The following PYGO1 variants were observed in gnomAD, a reference collection of about 807,000 sequenced individuals.
PYGO1 encodes pygopus homolog 1.
PYGO1 carries 6 observed loss-of-function variants against 29.5 expected under a neutral mutation model. The observed-to-expected ratio is 0.20, with a 90% CI of 0.11 to 0.40. The LOEUF is 0.40. Among genes scored for constraint, PYGO1 ranks in the 10% least tolerant of loss-of-function variants. The pLI, the probability that PYGO1 is intolerant of heterozygous loss-of-function variation, is 1.00. For synonymous variants in PYGO1, 186 were observed against 180.5 expected (o/e 1.03, Z -0.24); for missense variants, 515 against 514.9 (o/e 1.00, Z 0.00).
chr15:55,562,535 T>C (rs1036509309), intron 1 of PYGO1, among the ~76,000 whole-genome samples: 3 of 151,726 alleles, frequency 2.0e-5, no homozygotes, highest in Non-Finnish European at 1.5e-5. Flanking sequence ...ACTGGGCATT[T>C]TGGCGGGTGC....
At chr15:55,555,189 G>C (rs1227174426) in intron 1 of PYGO1, among the ~76,000 whole-genome samples, 4 of 152,114 alleles carry the variant, frequency 2.6e-5, no homozygotes, top group African/African-American at 7.2e-5. Flanking sequence ...TGCCACAAGG[G>C]ATTGAGGACC....
chr15:55,554,264 A>C (rs1271349697), intron 1 of PYGO1, among the ~76,000 whole-genome samples: 1 of 152,002 alleles, frequency 6.6e-6, no homozygotes, highest in Non-Finnish European at 1.5e-5. Context: ...GGAGATCGAG[A>C]CCATCCTGGC....
intron 1 of PYGO1, among the ~76,000 whole-genome samples, chr15:55,563,897 CAAAT>C (rs2058943948): frequency 6.6e-6 from 1 of 152,084 alleles, no homozygotes; most frequent in Non-Finnish European, 1.5e-5. Flanking sequence ...ATCAAAAAGA[CAAAT>C]AATAACAAGC....
chr15:55,583,857 C>T (rs1242975662), intron 1 of PYGO1, among the ~76,000 whole-genome samples: 1 of 152,116 alleles, frequency 6.6e-6, no homozygotes, highest in Non-Finnish European at 1.5e-5. Context: ...TAAAAACTGC[C>T]TTCTCAAAAT....
At position 55,571,276 on chromosome 15, in the gene PYGO1, G is replaced by A. The variant is rs184339137; in HGVS notation, c.49+16559C>T. ...CCATTTATCTGTAGATGCATACCTC[G>A]GTTGTTTCTACCTTTTAGCTACTGT... On this transcript the variant is annotated intron_variant, in intron 1 of 2. Coordinates refer to ENST00000563719, the MANE Select transcript of PYGO1 (RefSeq NM_001367806.1). Among the ~76,000 whole-genome samples, 21 of 152,170 alleles carry A rather than the reference G, an allele frequency of 1.4e-4. No homozygotes were observed. In the East Asian group the frequency reaches 3.3e-3, roughly 24 times the overall value.
At chr15:55,588,873 A>G (rs1459383642), upstream of PYGO1, 1 of 1,612,500 alleles carries the variant, frequency 6.2e-7, no homozygotes, top group Non-Finnish European at 8.5e-7. Context: ...AGATTCCCCG[A>G]CTCCGTGTCC....
chr15:55,565,629 CGCTTGAACCCGGGAGGCGGT>C (rs1342165823), intron 1 of PYGO1, among the ~76,000 whole-genome samples: 1 of 151,926 alleles, frequency 6.6e-6, no homozygotes, highest in East Asian at 1.9e-4. Flanking sequence ...GCATGAGAAT[CGCTTGAACCCGGGAGGCGGT>C]GCTTGCAGTG....
chr15:55,560,512 G>A (rs1421647063), intron 1 of PYGO1, among the ~76,000 whole-genome samples: 2 of 152,150 alleles, frequency 1.3e-5, no homozygotes, highest in Non-Finnish European at 2.9e-5. Flanking sequence ...ACAAACTACT[G>A]CTCAAGGAAA....
intron 1 of PYGO1, among the ~76,000 whole-genome samples, chr15:55,579,588 T>C (rs1406131493): frequency 1.3e-5 from 2 of 152,160 alleles, no homozygotes; most frequent in Non-Finnish European, 2.9e-5. Context: ...CCATCACAAC[T>C]CACTGCAACC....
chr15:55,587,809 C>T, intron 1 of PYGO1, 26 bp downstream of exon 1: 2 of 1,481,714 alleles, frequency 1.3e-6, no homozygotes, highest in African/African-American at 1.4e-5. Context: ...CCCCGGTTCC[C>T]CCAATCCGGC....
At chr15:55,558,003 T>C (rs1169155485) in intron 1 of PYGO1, among the ~76,000 whole-genome samples, 2 of 152,246 alleles carry the variant, frequency 1.3e-5, no homozygotes, top group Non-Finnish European at 1.5e-5. Context: ...GCCAGGGCAA[T>C]CAGGCAGTAG....
At chr15:55,551,086 G>T (rs2058876907) in intron 1 of PYGO1, among the ~76,000 whole-genome samples, 1 of 152,186 alleles carries the variant, frequency 6.6e-6, no homozygotes, top group Non-Finnish European at 1.5e-5. Context: ...CGGAGCTCAG[G>T]CAGTAATGCT....
Position 55,543,064 on chromosome 15 carries a change from G to C in PYGO1, c.*2959C>G, listed in dbSNP as rs895095981. The C allele has an allele frequency of 7.0e-6, 1 of 143,554 alleles. No individual in the cohort carries two copies. The highest frequency in any genetic ancestry group is 2.6e-5 in the African/African-American group (1 of 37,786). The allele number at this position is 143,554 out of a possible 1,614,324, so 8.9% of individuals were successfully genotyped here. On this transcript the variant is annotated 3_prime_UTR_variant, in exon 3 of 3. Transcript: ENST00000563719. ...TTAAGCAAAACTCAAGGATGTTGGA[G>C]AAACTGTGGGGGGTGTGTGTGTGTG...
Position 55,539,179 on chromosome 15 carries a change from T to C in PYGO1, c.*6844A>G, listed in dbSNP as rs1041472694. On this transcript the variant is annotated 3_prime_UTR_variant, in exon 3 of 3. Coordinates refer to ENST00000563719, the MANE Select transcript of PYGO1 (RefSeq NM_001367806.1). ...AAATGTAGATGACAAATTAAACTCT[T>C]CCAATTTTAAATTCTAGCATGGTTT... The C allele has an allele frequency of 6.6e-6, 1 of 152,180 alleles. No homozygotes were observed. Among genetic ancestry groups the C allele is most frequent in the Non-Finnish European group, 1.5e-5 (1 of 68,018 alleles). 9.4% of individuals were successfully genotyped at this position (152,180 alleles called of 1,614,324 possible).
chr15:55,555,465 A>G (rs527559991), intron 1 of PYGO1, among the ~76,000 whole-genome samples: 1 of 143,124 alleles, frequency 7.0e-6, no homozygotes, highest in Non-Finnish European at 1.5e-5. Context: ...ACCAGCTAAC[A>G]TCATGATGAC....
intron 1 of PYGO1, among the ~76,000 whole-genome samples, chr15:55,585,705 T>C (rs2059043510): frequency 6.6e-6 from 1 of 152,212 alleles, no homozygotes; most frequent in Non-Finnish European, 1.5e-5. Flanking sequence ...TCTGTGTTCT[T>C]GACCCACAAT....
chr15:55,553,013 G>A (rs1266993817), intron 1 of PYGO1, among the ~76,000 whole-genome samples: 1 of 152,172 alleles, frequency 6.6e-6, no homozygotes, highest in Admixed American at 6.5e-5. Context: ...TGGGGGAGGG[G>A]TGGCCGCCAT....
chr15:55,578,821 T>G (rs567569595), intron 1 of PYGO1, among the ~76,000 whole-genome samples: 1 of 152,196 alleles, frequency 6.6e-6, no homozygotes, highest in Non-Finnish European at 1.5e-5. Context: ...CAGTATCCCT[T>G]GACACTCACA....
At chr15:55,579,644 G>A (rs989404529) in intron 1 of PYGO1, among the ~76,000 whole-genome samples, 2 of 152,062 alleles carry the variant, frequency 1.3e-5, no homozygotes, top group Non-Finnish European at 2.9e-5. Context: ...GCCTCTCAAA[G>A]TGCTGAGATT....
Sources: gnomAD v4.1 joint callset for allele counts (sites outside exome capture counted in the v4.1 genomes callset) on GRCh38, gnomAD v4.1.1 for gene constraint, MANE v1.5 for transcripts, NCBI Gene and HGNC (gene_info 2026-07-23, HGNC 2026-07-21) for gene names.